Variants in LMBR1 observed in about 807,000 individuals in gnomAD.
The protein encoded by LMBR1 is limb region 1 protein homolog.
In LMBR1, 52 loss-of-function variants were observed where a neutral mutation model predicts 73.9. That is an observed-to-expected ratio of 0.70 (90% confidence interval 0.56 to 0.89). The LOEUF (loss-of-function observed/expected upper bound fraction) is 0.89. Among genes scored for constraint, LMBR1 ranks in the 40% least tolerant of loss-of-function variants. LMBR1 has a pLI of 0.00. For synonymous variants in LMBR1, 215 were observed against 209.4 expected (o/e 1.03, Z -0.23); for missense variants, 539 against 579.8 (o/e 0.93, Z 0.72).
At chr7:156,812,715 C>A (rs1178932885) in intron 4 of LMBR1, among the ~76,000 whole-genome samples, 1 of 152,182 alleles carries the variant, frequency 6.6e-6, no homozygotes, top group East Asian at 1.9e-4. Flanking sequence ...GGTTTTACTA[C>A]GGAAAACGTT....
At chr7:156,831,997 T>C (rs1249994600) in intron 3 of LMBR1, among the ~76,000 whole-genome samples, 1 of 152,204 alleles carries the variant, frequency 6.6e-6, no homozygotes, top group Non-Finnish European at 1.5e-5. Flanking sequence ...AGTGAATTTT[T>C]AAAGGAGCTC....
At chr7:156,784,789 C>T (rs905652591) in intron 5 of LMBR1, among the ~76,000 whole-genome samples, 3 of 152,172 alleles carry the variant, frequency 2.0e-5, no homozygotes, top group African/African-American at 7.2e-5. Flanking sequence ...TCTAACTCTA[C>T]ACAGATGTAA....
At chr7:156,828,691 T>C (rs1836122619) in intron 3 of LMBR1, among the ~76,000 whole-genome samples, 1 of 152,198 alleles carries the variant, frequency 6.6e-6, no homozygotes, top group Non-Finnish European at 1.5e-5. Flanking sequence ...TAAATCACTT[T>C]AACACTCCAC....
rs1835735996 is a variant in LMBR1, at chr7:156,826,596, T to C, written c.319+9A>G. The C allele has an allele frequency of 1.3e-6, 2 of 1,499,244 alleles. No homozygotes were observed. Among genetic ancestry groups the C allele is most frequent in the African/African-American group, 1.4e-5 (1 of 71,712 alleles). The allele number at this position is 1,499,244 out of a possible 1,614,324, so 92.9% of individuals were successfully genotyped here. A position where few individuals can be genotyped will look rare whatever the true frequency, so the allele number is the denominator to read the frequency against. On this transcript the variant is annotated intron_variant, in intron 4 of 16. Coordinates refer to ENST00000353442, the MANE Select transcript of LMBR1 (RefSeq NM_022458.4). ...TTAATTGTGATTATATTAAGCAATA[T>C]ATACTAACCATGAATCAGGGAGCCA...
Position 156,783,661 on chromosome 7 carries a change from A to G in LMBR1, c.423+12728T>C, listed in dbSNP as rs144353962. Among the ~76,000 whole-genome samples the G allele has an allele frequency of 1.3e-3, 192 of 152,098 alleles. 2 individuals are homozygous for G. Among genetic ancestry groups the G allele is most frequent in the African/African-American group, 4.5e-3 (188 of 41,476 alleles). ...TCCTTGTACCCAGCATCCTTGTTAA[A>G]TTTTTTTATTTGAATAATCTATTTT... On this transcript the variant is annotated intron_variant, in intron 5 of 16. Coordinates refer to ENST00000353442, the MANE Select transcript of LMBR1 (RefSeq NM_022458.4).
rs558240890 is a variant in LMBR1, at chr7:156,816,084, G to A, written c.319+10521C>T. The stretch of plus-strand genomic sequence containing the variant: ...GTTAAAAAAATAAAACTTTGCCTTA[G>A]GCAATGCTCACAAATCACTAAAAAG... On this transcript the variant is annotated intron_variant, in intron 4 of 16. Transcript: ENST00000353442. 3.1e-3 allele frequency among the ~76,000 whole-genome samples: 478 copies of A among 152,062 alleles called. 1 individual carries two copies. The highest frequency in any genetic ancestry group is 5.8e-3 in the Non-Finnish European group (391 of 67,980).
chr7:156,686,026 G>A (rs1424398296), intron 16 of LMBR1, among the ~76,000 whole-genome samples: 1 of 152,158 alleles, frequency 6.6e-6, no homozygotes, highest in East Asian at 1.9e-4. Context: ...TCAGGTCCCA[G>A]GAATGACAAT....
At chr7:156,782,856 T>G (rs1392902108) in intron 5 of LMBR1, among the ~76,000 whole-genome samples, 1 of 152,232 alleles carries the variant, frequency 6.6e-6, no homozygotes, top group African/African-American at 2.4e-5. Flanking sequence ...CATTGTAGTT[T>G]TGATCTGCAT....
At chr7:156,693,931 A>G (rs1328929075) in intron 15 of LMBR1, among the ~76,000 whole-genome samples, 1 of 152,208 alleles carries the variant, frequency 6.6e-6, no homozygotes, top group Non-Finnish European at 1.5e-5. Flanking sequence ...ACAACACATT[A>G]ATAGGATCGT....
At chr7:156,845,607 C>CA (rs1839454788) in intron 1 of LMBR1, among the ~76,000 whole-genome samples, 1 of 151,926 alleles carries the variant, frequency 6.6e-6, no homozygotes, top group East Asian at 1.9e-4. Context: ...ACAAAATAAA[C>CA]AGAGACATAC....
chr7:156,762,196 A>G lies in LMBR1; in HGVS notation c.622T>C (p.Cys208Arg), dbSNP rs1473454383. The change falls in exon 8 of 17, where the codon TGT becomes CGT. Residue 208 changes from cysteine (C) to arginine (R), a missense_variant and splice_region_variant. Coordinates refer to ENST00000353442, the MANE Select transcript of LMBR1 (RefSeq NM_022458.4). ...SLMGCLLLLLCTPVGLSRMFT... is the reference protein window; with the variant it reads ...SLMGCLLLLLRTPVGLSRMFT... ...ATACGAGAAAGGCCAACTGGTGTAC[A>G]CACTGCAGAAATAAGATCACCAAAA... 1.5e-5 allele frequency: 24 copies of G among 1,607,950 alleles called. No individual in the cohort carries two copies. The highest frequency in any genetic ancestry group is 1.8e-5 in the Non-Finnish European group (21 of 1,174,884).
At chr7:156,858,956 T>C (rs1419707561) in intron 1 of LMBR1, among the ~76,000 whole-genome samples, 2 of 152,054 alleles carry the variant, frequency 1.3e-5, no homozygotes, top group Non-Finnish European at 2.9e-5. Context: ...TCATACTTAA[T>C]GATTAAAAAA....
intron 12 of LMBR1, among the ~76,000 whole-genome samples, chr7:156,726,844 A>C (rs908410677): frequency 6.6e-6 from 1 of 152,044 alleles, no homozygotes; most frequent in Non-Finnish European, 1.5e-5. Flanking sequence ...CCAGAGGAGA[A>C]GCACATGTTT....
chr7:156,876,960 T>C (rs1442170110), intron 1 of LMBR1, among the ~76,000 whole-genome samples: 2 of 150,208 alleles, frequency 1.3e-5, no homozygotes, highest in Non-Finnish European at 3.0e-5. Flanking sequence ...AAGAAAGAAA[T>C]AGCCAAGATC....
chr7:156,836,924 G>C (rs761707044), intron 1 of LMBR1, 39 bp from the exon 2 acceptor site: 6 of 1,330,398 alleles, frequency 4.5e-6, no homozygotes, highest in Non-Finnish European at 6.2e-6. Flanking sequence ...TTACTTTTTT[G>C]CATATCTTTT....
intron 5 of LMBR1, among the ~76,000 whole-genome samples, chr7:156,778,240 G>C (rs1207551131): frequency 6.6e-6 from 1 of 152,100 alleles, no homozygotes; most frequent in African/African-American, 2.4e-5. Flanking sequence ...CTCATTTCTA[G>C]TTATCGATCT....
At position 156,788,156 on chromosome 7, in the gene LMBR1, C is replaced by T. The variant is rs942877053; in HGVS notation, c.423+8233G>A. On this transcript the variant is annotated intron_variant, in intron 5 of 16. Coordinates refer to ENST00000353442, the MANE Select transcript of LMBR1 (RefSeq NM_022458.4). ...TGCTATACGAAAGTTTTCATAAGGC[C>T]GGGTACAGTAGCTCAAGCCTGGAAT... is the stretch of plus-strand genomic sequence containing the variant. Among the ~76,000 whole-genome samples the T allele has an allele frequency of 2.0e-5, 3 of 152,050 alleles. No individual in the cohort carries two copies. The South Asian group carries it at 6.2e-4, about 32-fold the overall frequency.
chr7:156,799,568 CCTT>C (rs77982367), intron 4 of LMBR1, among the ~76,000 whole-genome samples: 36,874 of 151,920 alleles, frequency 0.24, 4,976 homozygotes, highest in East Asian at 0.42. Context: ...TCATCTCTCT[CCTT>C]CTCCTAGGGC....
intron 1 of LMBR1, among the ~76,000 whole-genome samples, chr7:156,891,607 GTTTA>G (rs1017999299): frequency 1.7e-4 from 26 of 152,168 alleles, no homozygotes; most frequent in African/African-American, 6.3e-4. Context: ...GTAAAATTGT[GTTTA>G]TTTATTTATT....
Sources: allele counts gnomAD v4.1 joint callset (sites outside exome capture counted in the v4.1 genomes callset), GRCh38; gene constraint gnomAD v4.1.1; transcripts MANE v1.5; gene names NCBI Gene and HGNC (gene_info 2026-07-23, HGNC 2026-07-21).